The following INPPL1 variants were observed in gnomAD, a reference collection of about 807,000 sequenced individuals.
INPPL1 encodes the protein phosphatidylinositol 3,4,5-trisphosphate 5-phosphatase 2.
A neutral mutation model predicts 139.3 loss-of-function variants in INPPL1; 91 were observed. The ratio of observed to expected loss-of-function variants is 0.65; its 90% CI spans 0.55 to 0.78. The LOEUF is 0.78. INPPL1 is among the 30% of genes least tolerant of loss of function. The pLI, the probability that INPPL1 is intolerant of heterozygous loss-of-function variation, is 0.00. For missense variants in INPPL1, 1,411 were observed against 1,665.6 expected (o/e 0.85, Z 2.66); for synonymous variants, 719 against 686.6 (o/e 1.05, Z -0.74).
intron 1 of INPPL1, among the ~76,000 whole-genome samples, chr11:72,227,619 C>T (rs2135420134): frequency 6.6e-6 from 1 of 152,294 alleles, no homozygotes; most frequent in East Asian, 1.9e-4. Flanking sequence ...CCCTCTTGCC[C>T]CTCCTTGGCT....
Position 72,227,869 on chromosome 11 carries a change from C to T in INPPL1, c.183-321C>T. On this transcript the variant is annotated intron_variant, in intron 1 of 27. Coordinates refer to ENST00000298229, the MANE Select transcript of INPPL1 (RefSeq NM_001567.4). ...GGGGAGCCCAGACTGGTACCACAGC[C>T]CAGAGGGGCTGTTTAGACAGCTGTG... The T allele has an allele frequency of 1.7e-5, 7 of 417,346 alleles. 1 individual carries two copies. Among genetic ancestry groups the T allele is most frequent in the South Asian group, 1.7e-4 (7 of 42,164 alleles). 25.9% of individuals were successfully genotyped at this position (417,346 alleles called of 1,614,324 possible).
At chr11:72,226,094 T>A (rs1381913009) in intron 1 of INPPL1, among the ~76,000 whole-genome samples, 5 of 151,872 alleles carry the variant, frequency 3.3e-5, no homozygotes, top group Non-Finnish European at 7.4e-5. Context: ...CCTCCCAAAC[T>A]CCTGTCCCAC....
Position 72,234,454 on chromosome 11 carries a change from G to A in INPPL1, c.2326+60G>A. 6.3e-7 allele frequency: 1 copy of A among 1,587,758 alleles called. No homozygotes were observed. Among genetic ancestry groups the A allele is most frequent in the South Asian group, 1.1e-5 (1 of 90,568 alleles). On this transcript the variant is annotated intron_variant, in intron 20 of 27. Coordinates refer to ENST00000298229, the MANE Select transcript of INPPL1 (RefSeq NM_001567.4). This position sits in a 1 kb window ranked among gnomAD's most constrained non-coding sequence, Gnocchi z 4.2. ...GGAGGATGGGAGGCAAGAGGGTGCA[G>A]TCAGCCCCCTACTTAGGGGGAAAGG...
rs192126205 is a variant in INPPL1, at chr11:72,233,830, G to C, written c.2212+86G>C. The stretch of plus-strand genomic sequence containing the variant: ...TCGGGATGTACATAGGTTTGACTAT[G>C]TAAGTGTGTGTGTGGGTGTGTGTAC... On this transcript the variant is annotated intron_variant, in intron 19 of 27. Transcript: ENST00000298229. The C allele has an allele frequency of 2.6e-5, 27 of 1,048,688 alleles. No individual in the cohort carries two copies. In the Admixed American group the frequency reaches 2.9e-4, roughly 11 times the overall value. The allele number at this position is 1,048,688 out of a possible 1,614,324, so 65.0% of individuals were successfully genotyped here.
In INPPL1 at chr11:72,228,585, T is replaced by A; in HGVS notation, c.397+87T>A. ...CATCCCCCCTTCTCAACCCCACCTC[T>A]CCTGTAACCCCCTTTCCCTTGGCCA... On this transcript the variant is annotated intron_variant, in intron 3 of 27. Coordinates refer to ENST00000298229, the MANE Select transcript of INPPL1 (RefSeq NM_001567.4). The surrounding 1 kb of genome is among the most constrained non-coding windows in gnomAD (Gnocchi z 5.0). The A allele has an allele frequency of 5.9e-6, 9 of 1,531,210 alleles. No homozygotes were observed. The highest frequency in any genetic ancestry group is 1.5e-5 in the African/African-American group (1 of 67,894). The allele number at this position is 1,531,210 out of a possible 1,614,324, so 94.9% of individuals were successfully genotyped here.
chr11:72,235,099 G>A lies in INPPL1; in HGVS notation c.2416-17G>A. 6.2e-7 allele frequency: 1 copy of A among 1,609,372 alleles called. No individual in the cohort carries two copies. The highest frequency in any genetic ancestry group is 8.5e-7 in the Non-Finnish European group (1 of 1,176,756). On this transcript the variant is annotated splice_polypyrimidine_tract_variant and intron_variant, in intron 21 of 27. Coordinates refer to ENST00000298229, the MANE Select transcript of INPPL1 (RefSeq NM_001567.4). The surrounding 1 kb of genome is among the most constrained non-coding windows in gnomAD (Gnocchi z 4.9). ...GTGGCGGGGCTTTGTTCCTCACTGG[G>A]CCTCCCTGCTTCCCAGCTCAAACCA...
chr11:72,229,866 C>T (rs142831414), intron 7 of INPPL1, 58 bp from the exon 8 acceptor site: 92 of 1,578,362 alleles, frequency 5.8e-5, no homozygotes, highest in Middle Eastern at 1.9e-4. Flanking sequence ...AATTGTGTCC[C>T]TCCCTGCCCC....
Position 72,229,731 on chromosome 11 carries a change from C to T in INPPL1, c.822C>T (p.Phe274=), listed in dbSNP as rs761978331. The change falls in exon 7 of 28, where the codon TTC becomes TTT. Residue 274 remains phenylalanine (F), a synonymous_variant. Coordinates refer to ENST00000298229, the MANE Select transcript of INPPL1 (RefSeq NM_001567.4). ...LVLKLSVLKD[F]LSGIQKKALK... The stretch of plus-strand genomic sequence containing the variant: ...TGAAGCTGTCAGTGCTAAAGGACTT[C>T]CTGTCAGGCATCCAGAAGAAGGTGG... 6.2e-7 allele frequency: 1 copy of T among 1,614,008 alleles called. No homozygotes were observed. Among genetic ancestry groups the T allele is most frequent in the Non-Finnish European group, 8.5e-7 (1 of 1,179,982 alleles).
chr11:72,237,071 C>T, intron 25 of INPPL1, 53 bp from the exon 26 acceptor site: 4 of 1,500,860 alleles, frequency 2.7e-6, no homozygotes, highest in Non-Finnish European at 3.6e-6. Flanking sequence ...GCTTCCACTG[C>T]CTTAGACCTG....
At position 72,237,394 on chromosome 11, in the gene INPPL1, T is replaced by A; in HGVS notation, c.3150T>A (p.Pro1050=). The A allele has an allele frequency of 6.2e-7, 1 of 1,613,354 alleles. No homozygotes were observed. Among genetic ancestry groups the A allele is most frequent in the Non-Finnish European group, 8.5e-7 (1 of 1,179,750 alleles). The change falls in exon 26 of 28, where the codon CCT becomes CCA. Residue 1050 remains proline (P), a synonymous_variant. Transcript: ENST00000298229. ...AGGAGTCTGGAGGCACACTGCCCCC[T>A]CCAGACTTTCCACCTCCACCACTGC... ...SDEESGGTLP[P]PDFPPPPLPD... is the part of the protein sequence containing the mutation.
At position 72,237,498 on chromosome 11, in the gene INPPL1, C is replaced by G. The variant is rs1002098434; in HGVS notation, c.3254C>G (p.Ala1085Gly). 2.5e-6 allele frequency: 4 copies of G among 1,609,328 alleles called. No homozygotes were observed. The East Asian group carries it at 6.7e-5, about 27-fold the overall frequency. Residue 1085 changes from alanine to glycine, a missense_variant, in exon 26 of 28, where the codon GCC (alanine) becomes GGC (glycine). By Grantham distance (60) the Ala-to-Gly change is moderately conservative (BLOSUM62 0). Around this residue, in one of 5 missense-constraint regions of INPPL1, gnomAD observed 438 missense variants for 425.7 expected, o/e 1.03. Coordinates refer to ENST00000298229, the MANE Select transcript of INPPL1 (RefSeq NM_001567.4). ...GTCCGGGGCCGTGGTGGGGCTGAGG[C>G]CCGTGGCCCACCACCTCCCAAGGCC... ...PVVRGRGGAE[A>G]RGPPPPKAHP... is the part of the protein sequence containing the mutation.
At chr11:72,232,396 C>T in intron 14 of INPPL1, 60 bp downstream of exon 14, 4 of 1,441,138 alleles carry the variant, frequency 2.8e-6, no homozygotes, top group Non-Finnish European at 3.8e-6. Flanking sequence ...GAGGCCTGTT[C>T]CCGCTCCCAT....
At chr11:72,231,280 G>T in intron 12 of INPPL1, 91 bp downstream of exon 12, 1 of 1,248,982 alleles carries the variant, frequency 8.0e-7, no homozygotes, top group Admixed American at 1.9e-5. Flanking sequence ...TGGGAGCACA[G>T]CTTCACTGGC....
At chr11:72,236,456 G>A (rs1469868170) in intron 25 of INPPL1, among the ~76,000 whole-genome samples, 1 of 152,220 alleles carries the variant, frequency 6.6e-6, no homozygotes, top group Non-Finnish European at 1.5e-5. Context: ...AAAGCTCTGA[G>A]CATGTGGACA....
intron 25 of INPPL1, 59 bp from the exon 26 acceptor site, chr11:72,237,065 C>A: frequency 1.4e-6 from 2 of 1,466,768 alleles, no homozygotes; most frequent in Non-Finnish European, 1.8e-6. Context: ...TCCACTGCTT[C>A]CACTGCCTTA....
intron 26 of INPPL1, 28 bp from the exon 27 acceptor site, chr11:72,238,014 C>A: frequency 6.6e-7 from 1 of 1,517,176 alleles, no homozygotes; most frequent in Non-Finnish European, 8.8e-7. Context: ...GGGCACTCAG[C>A]TCCCCCTGAC....
chr11:72,232,368 C>T (rs1948859177), intron 14 of INPPL1, 32 bp downstream of exon 14: 1 of 1,526,932 alleles, frequency 6.5e-7, no homozygotes, highest in African/African-American at 1.4e-5. Flanking sequence ...GGTCTCTTTA[C>T]ACCCATCCCA....
intron 14 of INPPL1, 29 bp from the exon 15 acceptor site, chr11:72,232,597 C>T (rs912921241): frequency 1.2e-6 from 2 of 1,609,534 alleles, no homozygotes. Context: ...GGGGATCTAC[C>T]CCTCCCCACC....
chr11:72,230,250 A>T lies in INPPL1; in HGVS notation c.1069A>T (p.Thr357Ser). The T allele has an allele frequency of 6.2e-7, 1 of 1,608,774 alleles. No homozygotes were observed. Among genetic ancestry groups the T allele is most frequent in the Non-Finnish European group, 8.5e-7 (1 of 1,176,622 alleles). Residue 357 changes from threonine to serine, a missense_variant, in exon 9 of 28, where the codon ACC becomes TCC. Thr to Ser is a moderately conservative substitution (Grantham distance 58, BLOSUM62 1). Around this residue, in one of 5 missense-constraint regions of INPPL1, gnomAD observed 504 missense variants for 595.6 expected, o/e 0.85. Coordinates refer to ENST00000298229, the MANE Select transcript of INPPL1 (RefSeq NM_001567.4). ...RRQRDSQEDW[T>S]TFTHDRIRQL... Reference sequence around the variant, plus strand: ...ACAGCGGGACTCCCAGGAGGACTGGACCACCTTCACGCACGACCGCAGTGA... The same window carrying T: ...ACAGCGGGACTCCCAGGAGGACTGGTCCACCTTCACGCACGACCGCAGTGA...
Sources: allele counts gnomAD v4.1 joint callset (sites outside exome capture counted in the v4.1 genomes callset), GRCh38; gene constraint gnomAD v4.1.1; regional missense constraint gnomAD v4.1.1; non-coding constraint Gnocchi (gnomAD v3.1); transcripts MANE v1.5; gene names NCBI Gene and HGNC (gene_info 2026-07-23, HGNC 2026-07-21).